HECTD4: variants seen among roughly 807,000 people sequenced by gnomAD.
The protein encoded by HECTD4 is HECT domain E3 ubiquitin protein ligase 4, also known as probable E3 ubiquitin-protein ligase HECTD4.
Under a neutral mutation model 471.5 loss-of-function variants are expected in HECTD4, and 114 were observed. The observed-to-expected ratio is 0.24, with a 90% confidence interval of 0.21 to 0.28. HECTD4 has a LOEUF of 0.28. Among genes scored for constraint, HECTD4 ranks in the 10% least tolerant of loss-of-function variants. HECTD4 has a pLI of 1.00. For synonymous variants in HECTD4, 2,012 were observed against 2,256.0 expected, an observed-to-expected ratio of 0.89 and a Z score of 3.07; for missense variants, 3,866 against 5,651.5, an observed-to-expected ratio of 0.68 and a Z score of 10.13.
chr12:112,176,804 C>A, intron 64 of HECTD4, 102 bp from the exon 65 acceptor site: 1 of 886,664 alleles, frequency 1.1e-6, no homozygotes. Context: ...CCTCCTCCAA[C>A]TTAGGGCTTA....
At chr12:112,261,542 G>A in intron 17 of HECTD4, 113 bp from the exon 18 acceptor site, 1 of 1,118,260 alleles carries the variant, frequency 8.9e-7, no homozygotes, top group South Asian at 1.6e-5. Context: ...ATAATGAGGT[G>A]GACAGAATAA....
intron 40 of HECTD4, among the ~76,000 whole-genome samples, chr12:112,230,366 A>C (rs1009410453): frequency 6.6e-6 from 1 of 152,192 alleles, no homozygotes; most frequent in African/African-American, 2.4e-5. Context: ...AGTACACTTA[A>C]ATCCAATAAA....
Position 112,258,530 on chromosome 12 carries a change from G to T in HECTD4, c.3094C>A (p.Pro1032Thr). Residue 1032 changes from proline (P) to threonine (T), a missense_variant, in exon 20 of 76, where the codon CCA becomes ACA. Coordinates refer to ENST00000682272, the MANE Select transcript of HECTD4 (RefSeq NM_001388303.1). ...GGGAACAGCCTGCACTTCTGGTCTG[G>T]TGCACCACACGGGGAACAGCCCACC... is the stretch of plus-strand genomic sequence containing the variant. Reference protein sequence around the residue: ...AEVGCSPCGAPDQKCRLFPDE... With the variant: ...AEVGCSPCGATDQKCRLFPDE... The T allele has an allele frequency of 6.2e-7, 1 of 1,604,226 alleles. No homozygotes were observed.
chr12:112,234,936 G>A lies in HECTD4; in HGVS notation c.5915+141C>T, dbSNP rs2033464880. The A allele has an allele frequency of 4.4e-6, 3 of 685,158 alleles. No individual in the cohort carries two copies. In the East Asian group the frequency reaches 8.4e-5, roughly 19 times the overall value. 42.4% of individuals were successfully genotyped at this position (685,158 alleles called of 1,614,324 possible). A position where few individuals can be genotyped will look rare whatever the true frequency, so the allele number is the denominator to read the frequency against. The stretch of plus-strand genomic sequence containing the variant: ...CTCAGTTTCTTTCTGTGTCACCACA[G>A]GAATCACAGTGACAGTGTCTACCTG... On this transcript the variant is annotated intron_variant, in intron 37 of 75. Transcript: ENST00000682272.
At chr12:112,265,741 C>G (rs1236075119) in intron 15 of HECTD4, 137 bp downstream of exon 15, 5 of 632,832 alleles carry the variant, frequency 7.9e-6, no homozygotes, top group Non-Finnish European at 1.4e-5. Context: ...TATCTTTCAA[C>G]TGGTCCATGC....
chr12:112,283,222 G>A lies in HECTD4; in HGVS notation c.1416C>T (p.Ser472=). The A allele has an allele frequency of 1.2e-6, 2 of 1,613,726 alleles. No individual in the cohort carries two copies. The highest frequency in any genetic ancestry group is 4.5e-5 in the East Asian group (2 of 44,882). Residue 472 remains serine, a synonymous_variant, in exon 8 of 76, where the codon AGC becomes AGT. Coordinates refer to ENST00000682272, the MANE Select transcript of HECTD4 (RefSeq NM_001388303.1). The part of the protein sequence containing the change: ...LMRKEGESAK[S]INEMLLSRLS... ...GTCTACTTAGAAGCATCTCATTAATGCTTTTGGCAGATTCGCCCTCTTTTC... is the reference window on the plus strand; with the variant it reads ...GTCTACTTAGAAGCATCTCATTAATACTTTTGGCAGATTCGCCCTCTTTTC...
chr12:112,259,963 T>C (rs2034107580), intron 18 of HECTD4, among the ~76,000 whole-genome samples: 1 of 151,904 alleles, frequency 6.6e-6, no homozygotes, highest in Admixed American at 6.6e-5. Context: ...TTTATTATGG[T>C]AAAATAAACA....
chr12:112,264,012 C>T (rs1034457725), intron 17 of HECTD4, 72 bp downstream of exon 17: 84 of 1,417,850 alleles, frequency 5.9e-5, no homozygotes, highest in Middle Eastern at 1.8e-4. Flanking sequence ...TCATAAAACA[C>T]AGAAATTTAG....
intron 7 of HECTD4, among the ~76,000 whole-genome samples, chr12:112,294,233 A>G (rs938045836): frequency 6.6e-6 from 1 of 152,190 alleles, no homozygotes; most frequent in Non-Finnish European, 1.5e-5. Context: ...GAGTGAAATC[A>G]TAATTACCAG....
intron 25 of HECTD4, chr12:112,249,921 T>C: frequency 1.8e-6 from 1 of 553,728 alleles, no homozygotes; most frequent in Non-Finnish European, 3.2e-6. Context: ...AACCAACAAG[T>C]TCCCAAGTGA....
Position 112,219,373 on chromosome 12 carries a change from G to A in HECTD4, c.7074+13C>T, listed in dbSNP as rs1161626659. Reference sequence around the variant, plus strand: ...GAGGCTGCAGGAGGCGCGAAGCACCGCAGAGGGCTCACCTGTCTTCGGTCA... The same window carrying A: ...GAGGCTGCAGGAGGCGCGAAGCACCACAGAGGGCTCACCTGTCTTCGGTCA... On this transcript the variant is annotated intron_variant, in intron 45 of 75. Transcript: ENST00000682272. 3 of 1,604,666 alleles carry A rather than the reference G, an allele frequency of 1.9e-6. No homozygotes were observed. The highest frequency in any genetic ancestry group is 1.1e-5 in the South Asian group (1 of 90,496).
rs562493088 is a variant in HECTD4 at position 112,246,959 on chromosome 12, G to T, written c.4455C>A (p.Thr1485=). Residue 1485 remains threonine (T), a synonymous_variant, in exon 29 of 76, where the codon ACC becomes ACA. Coordinates refer to ENST00000682272, the MANE Select transcript of HECTD4 (RefSeq NM_001388303.1). Reference sequence around the variant, plus strand: ...TCGTGAGGCCCGACTGGGCTGCGATGGTGACATGCAGCAACAGCTCGGCTC... The same window carrying T: ...TCGTGAGGCCCGACTGGGCTGCGATTGTGACATGCAGCAACAGCTCGGCTC... ...MNRAELLLHV[T]IAAQSGLTRS... The T allele has an allele frequency of 6.2e-7, 1 of 1,612,130 alleles. No individual in the cohort carries two copies. The highest frequency in any genetic ancestry group is 2.2e-5 in the East Asian group (1 of 44,892).
Position 112,193,377 on chromosome 12 carries a change from G to T in HECTD4, c.8955+92C>A. 7.3e-7 allele frequency: 1 copy of T among 1,371,898 alleles called. No individual in the cohort carries two copies. Among genetic ancestry groups the T allele is most frequent in the Non-Finnish European group, 1.0e-6 (1 of 986,608 alleles). The allele number at this position is 1,371,898 out of a possible 1,614,324, so 85.0% of individuals were successfully genotyped here. A position where few individuals can be genotyped will look rare whatever the true frequency, so the allele number is the denominator to read the frequency against. On this transcript the variant is annotated intron_variant, in intron 57 of 75. Transcript: ENST00000682272. The surrounding 1 kb of genome is among the most constrained non-coding windows in gnomAD (Gnocchi z 5.2). ...GGAAATCGAGAGGAATAGGGACTTG[G>T]AAGGGAAAGGGGAGTCATTTTCAGC...
rs371798677 is a variant in HECTD4 at position 112,270,494 on chromosome 12, C to T, written c.1943-35G>A. On this transcript the variant is annotated intron_variant, in intron 11 of 75. Transcript: ENST00000682272. ...GAAAAGGAAACTGAGTGAGGAAAGA[C>T]ATCTCTATGGGTGGTCCCCAAAGAA... is the stretch of plus-strand genomic sequence containing the variant. 2.9e-4 allele frequency: 441 copies of T among 1,538,636 alleles called. 1 individual carries two copies. The highest frequency in any genetic ancestry group is 3.6e-4 in the Non-Finnish European group (398 of 1,111,908).
chr12:112,293,195 G>A (rs907607495), intron 7 of HECTD4, among the ~76,000 whole-genome samples: 1 of 151,220 alleles, frequency 6.6e-6, no homozygotes, highest in African/African-American at 2.4e-5. Context: ...GTGAAACCCC[G>A]TCTCTACTAA....
At chr12:112,343,565 T>C (rs1460786982) in intron 1 of HECTD4, among the ~76,000 whole-genome samples, 1 of 152,102 alleles carries the variant, frequency 6.6e-6, no homozygotes, top group Admixed American at 6.5e-5. Context: ...AGGTGAGGAA[T>C]TTGAGACTAG....
chr12:112,232,883 C>A, intron 38 of HECTD4, 121 bp downstream of exon 38: 1 of 801,568 alleles, frequency 1.2e-6, no homozygotes. Context: ...TTCAATTTCT[C>A]ACCTTGCCTC....
intron 55 of HECTD4, among the ~76,000 whole-genome samples, chr12:112,199,634 T>C (rs1031599047): frequency 6.6e-6 from 1 of 152,264 alleles, no homozygotes. Flanking sequence ...CTCAGGGGAA[T>C]TGGCAATGGT....
chr12:112,193,705 A>C lies in HECTD4; in HGVS notation c.8750-31T>G. ...GACGGAAAGGAAACAGAAGTTGACA[A>C]GAATCAAAGCAGCCAGTAGCTGTGA... On this transcript the variant is annotated intron_variant, in intron 56 of 75. Transcript: ENST00000682272. The surrounding 1 kb of genome is among the most constrained non-coding windows in gnomAD (Gnocchi z 5.2). 4 of 1,582,444 alleles carry C rather than the reference A, an allele frequency of 2.5e-6. No individual in the cohort carries two copies. Among genetic ancestry groups the C allele is most frequent in the Non-Finnish European group, 3.4e-6 (4 of 1,161,546 alleles).
Sources: gnomAD v4.1 joint callset for allele counts (sites outside exome capture counted in the v4.1 genomes callset) on GRCh38, gnomAD v4.1.1 for gene constraint, Gnocchi (gnomAD v3.1) non-coding constraint, MANE v1.5 for transcripts, NCBI Gene and HGNC (gene_info 2026-07-23, HGNC 2026-07-21) for gene names.